The following MARVELD2 variants were observed in gnomAD, a reference collection of about 807,000 sequenced individuals.
The protein encoded by MARVELD2 is MARVEL domain containing 2.
In MARVELD2, 49 loss-of-function variants were observed where a neutral mutation model predicts 57.6. The ratio of observed to expected loss-of-function variants is 0.85; its 90% CI spans 0.68 to 1.08. The LOEUF (loss-of-function observed/expected upper bound fraction) is 1.08, where lower values mean the gene tolerates loss of function less well. Ranked by LOEUF, MARVELD2 falls within the 50% of genes least tolerant of loss-of-function variation. The pLI is 0.00. For missense variants in MARVELD2, 606 were observed against 701.1 expected, an observed-to-expected ratio of 0.86 and a Z score of 1.53; for synonymous variants, 238 against 258.8, an observed-to-expected ratio of 0.92 and a Z score of 0.77.
Position 69,420,089 on chromosome 5 carries a change from G to T in MARVELD2, c.704G>T (p.Gly235Val), listed in dbSNP as rs1368992044. Reference protein sequence around the residue: ...FGYSQPYGMGGVGGLGSMYGG... With the variant: ...FGYSQPYGMGVVGGLGSMYGG... The stretch of plus-strand genomic sequence containing the variant: ...TATTCACAACCGTATGGCATGGGAG[G>T]CGTTGGTGGATTGGGCAGTATGTAT... The change falls in exon 2 of 7, where the codon GGC becomes GTC. Residue 235 changes from glycine to valine, a missense_variant. Physicochemically the swap from Gly to Val is moderately radical, Grantham distance 109 (BLOSUM62 -3). Coordinates refer to ENST00000325631, the MANE Select transcript of MARVELD2 (RefSeq NM_001038603.3). The T allele has an allele frequency of 6.2e-7, 1 of 1,614,162 alleles. No homozygotes were observed. The highest frequency in any genetic ancestry group is 2.2e-5 in the East Asian group (1 of 44,890).
chr5:69,420,334 C>G lies in MARVELD2; in HGVS notation c.949C>G (p.Arg317Gly), dbSNP rs144499910. The G allele has an allele frequency of 6.8e-6, 11 of 1,614,036 alleles. No homozygotes were observed. In the East Asian group the frequency reaches 2.5e-4, roughly 36 times the overall value. Residue 317 changes from arginine (R) to glycine (G), a missense_variant, in exon 2 of 7, where the codon CGA (arginine) becomes GGA (glycine). Coordinates refer to ENST00000325631, the MANE Select transcript of MARVELD2 (RefSeq NM_001038603.3). ...AAIVYVNDTN[R>G]GGLCYYPLFN... ...CATAGTCTATGTGAATGATACCAAC[C>G]GAGGTGGCCTCTGCTACTATCCGTT...
At chr5:69,421,139 A>G (rs1312740340) in intron 2 of MARVELD2, among the ~76,000 whole-genome samples, 4 of 152,304 alleles carry the variant, frequency 2.6e-5, no homozygotes, top group Non-Finnish European at 2.9e-5. Flanking sequence ...GAAGTCCTAC[A>G]TTGTTTTTAT....
chr5:69,417,390 T>G (rs914437711), intron 1 of MARVELD2, among the ~76,000 whole-genome samples: 1 of 152,244 alleles, frequency 6.6e-6, no homozygotes, highest in Non-Finnish European at 1.5e-5. Flanking sequence ...TCAGTCTGGT[T>G]TGTCCACCAG....
chr5:69,432,822 T>G, intron 4 of MARVELD2, 100 bp from the exon 5 acceptor site: 4 of 1,544,538 alleles, frequency 2.6e-6, no homozygotes, highest in Non-Finnish European at 3.6e-6. Context: ...TGTATTGAAT[T>G]GAAGGTACAA....
chr5:69,427,602 AATTAT>A (rs1325483875), intron 3 of MARVELD2, among the ~76,000 whole-genome samples: 1 of 152,196 alleles, frequency 6.6e-6, no homozygotes, highest in Non-Finnish European at 1.5e-5. Flanking sequence ...AAAGTTTAAT[AATTAT>A]ATTCATAACA....
At chr5:69,434,067 G>A (rs563776946) in intron 5 of MARVELD2, among the ~76,000 whole-genome samples, 2 of 152,134 alleles carry the variant, frequency 1.3e-5, no homozygotes, top group South Asian at 4.1e-4. Context: ...ATTCAGAAAG[G>A]GAATGTAGGG....
intron 3 of MARVELD2, among the ~76,000 whole-genome samples, chr5:69,428,135 TAG>T (rs1213983352): frequency 6.6e-6 from 1 of 150,538 alleles, no homozygotes; most frequent in Non-Finnish European, 1.5e-5. Flanking sequence ...TTTTTCCCAA[TAG>T]AGTTTTCCAA....
At chr5:69,426,692 A>G (rs1031931395) in intron 3 of MARVELD2, among the ~76,000 whole-genome samples, 1 of 151,970 alleles carries the variant, frequency 6.6e-6, no homozygotes, top group Non-Finnish European at 1.5e-5. Context: ...TTCTCTGAAA[A>G]GAGAGCATAT....
chr5:69,440,238 A>C (rs1000125667), intron 5 of MARVELD2, among the ~76,000 whole-genome samples: 1 of 152,174 alleles, frequency 6.6e-6, no homozygotes, highest in Non-Finnish European at 1.5e-5. Context: ...GTCTGGTTGC[A>C]TGTGGTCAGG....
At chr5:69,419,182 T>C in intron 1 of MARVELD2, 189 bp from the exon 2 acceptor site, 1 of 657,188 alleles carries the variant, frequency 1.5e-6, no homozygotes, top group South Asian at 1.8e-5. Context: ...TGTCTTGGCC[T>C]CCCAAAGTGC....
intron 3 of MARVELD2, 134 bp from the exon 4 acceptor site, chr5:69,432,393 G>A (rs1452822359): frequency 1.1e-6 from 1 of 949,228 alleles, no homozygotes; most frequent in East Asian, 2.6e-5. Context: ...CTCCGGCTTT[G>A]TCCTCCCAAA....
chr5:69,434,362 G>A (rs539268195), intron 5 of MARVELD2, among the ~76,000 whole-genome samples: 9 of 152,116 alleles, frequency 5.9e-5, no homozygotes, highest in African/African-American at 2.2e-4. Context: ...AGGAGGCTGA[G>A]GTGCAAGGAT....
At chr5:69,426,942 G>A (rs1385083082) in intron 3 of MARVELD2, among the ~76,000 whole-genome samples, 3 of 151,984 alleles carry the variant, frequency 2.0e-5, no homozygotes, top group Non-Finnish European at 1.5e-5. Context: ...ACAGGTGTGA[G>A]CCACCTCACC....
intron 5 of MARVELD2, among the ~76,000 whole-genome samples, chr5:69,436,539 G>A (rs998352814): frequency 1.0e-4 from 15 of 150,164 alleles, no homozygotes; most frequent in African/African-American, 3.2e-4. Context: ...ATCACTTATC[G>A]TTATGAGTTA....
At chr5:69,424,134 A>G (rs1199853032) in intron 2 of MARVELD2, among the ~76,000 whole-genome samples, 1 of 152,192 alleles carries the variant, frequency 6.6e-6, no homozygotes, top group African/African-American at 2.4e-5. Context: ...ACTTATGTCT[A>G]TGAGACTTTT....
chr5:69,436,735 C>T lies in MARVELD2; in HGVS notation c.1503+3642C>T, dbSNP rs114481262. 8.6e-3 allele frequency among the ~76,000 whole-genome samples: 1,307 copies of T among 152,158 alleles called. 15 individuals are homozygous for T. Among genetic ancestry groups the T allele is most frequent in the African/African-American group, 0.03 (1,241 of 41,500 alleles). Reference sequence around the variant, plus strand: ...AAGGGTGACCTAGTCTCTCAGAGGCCGTCAAAGGAGTGCAGGAAGGCATGA... The same window carrying T: ...AAGGGTGACCTAGTCTCTCAGAGGCTGTCAAAGGAGTGCAGGAAGGCATGA... On this transcript the variant is annotated intron_variant, in intron 5 of 6. Transcript: ENST00000325631.
At chr5:69,423,914 T>G (rs371328501) in intron 2 of MARVELD2, among the ~76,000 whole-genome samples, 1 of 152,226 alleles carries the variant, frequency 6.6e-6, no homozygotes, top group African/African-American at 2.4e-5. Context: ...TTTTGTTTCT[T>G]AAAGTTACAA....
chr5:69,427,497 G>A (rs1766827353), intron 3 of MARVELD2, among the ~76,000 whole-genome samples: 2 of 151,016 alleles, frequency 1.3e-5, no homozygotes, highest in South Asian at 2.1e-4. Context: ...CGCAACCTCC[G>A]ACTTCCTGGT....
In MARVELD2 at chr5:69,420,331, A is replaced by C; in HGVS notation, c.946A>C (p.Asn316His). ...AAAIVYVNDT[N>H]RGGLCYYPLF... ...AGCCATAGTCTATGTGAATGATACC[A>C]ACCGAGGTGGCCTCTGCTACTATCC... Residue 316 changes from asparagine to histidine, a missense_variant, in exon 2 of 7, where the codon AAC (asparagine) becomes CAC (histidine). By Grantham distance (68) the Asn-to-His change is moderately conservative. Coordinates refer to ENST00000325631, the MANE Select transcript of MARVELD2 (RefSeq NM_001038603.3). 1 of 1,614,226 alleles carries C rather than the reference A, an allele frequency of 6.2e-7. No homozygotes were observed. The highest frequency in any genetic ancestry group is 8.5e-7 in the Non-Finnish European group (1 of 1,180,044).
Sources: allele counts gnomAD v4.1 joint callset (sites outside exome capture counted in the v4.1 genomes callset), GRCh38; gene constraint gnomAD v4.1.1; transcripts MANE v1.5; gene names NCBI Gene and HGNC (gene_info 2026-07-23, HGNC 2026-07-21).